The following COL19A1 variants were observed in gnomAD, a reference collection of about 807,000 sequenced individuals.
COL19A1 encodes the protein collagen type XIX alpha 1 chain.
Under a neutral mutation model 190.2 loss-of-function variants are expected in COL19A1, and 159 were observed. The ratio of observed to expected loss-of-function variants is 0.84; its 90% CI spans 0.73 to 0.95. The LOEUF (loss-of-function observed/expected upper bound fraction) is 0.95. Among genes scored for constraint, COL19A1 ranks in the 40% least tolerant of loss-of-function variants. The pLI is 0.00. For synonymous variants in COL19A1, 509 were observed against 458.9 expected (o/e 1.11, Z -1.39); for missense variants, 1,418 against 1,431.9 (o/e 0.99, Z 0.16).
At chr6:70,163,574 C>T (rs939589181) in intron 36 of COL19A1, among the ~76,000 whole-genome samples, 178 bp downstream of exon 36, 17 of 152,208 alleles carry the variant, frequency 1.1e-4, no homozygotes, top group South Asian at 4.2e-4. Flanking sequence ...ATTCTAAACA[C>T]GGGAGATATT....
intron 2 of COL19A1, chr6:69,890,674 T>G (rs1029370601): frequency 6.6e-6 from 1 of 152,204 alleles, no homozygotes; most frequent in Non-Finnish European, 1.5e-5. Flanking sequence ...ACTAAAAATA[T>G]TTTTATTTAT....
At chr6:70,004,197 G>A (rs563254565) in intron 11 of COL19A1, among the ~76,000 whole-genome samples, 22 of 152,048 alleles carry the variant, frequency 1.4e-4, no homozygotes, top group Non-Finnish European at 2.6e-4. Flanking sequence ...TTGAATATTG[G>A]TCCCCATTTT....
chr6:70,024,582 C>CGTGTGTGTGT (rs71536487), intron 12 of COL19A1, among the ~76,000 whole-genome samples: 1 of 143,392 alleles, frequency 7.0e-6, no homozygotes, highest in Non-Finnish European at 1.5e-5. Context: ...TGGAGAAAGT[C>CGTGTGTGTGT]GTGTGTGTGT....
chr6:69,870,801 C>T (rs145849159), intron 1 of COL19A1, among the ~76,000 whole-genome samples: 5 of 152,184 alleles, frequency 3.3e-5, no homozygotes, highest in Non-Finnish European at 4.4e-5. Context: ...TGCAATTTTC[C>T]AGATTAGGAA....
At chr6:70,106,005 A>G (rs558062071) in intron 16 of COL19A1, among the ~76,000 whole-genome samples, 92 of 152,294 alleles carry the variant, frequency 6.0e-4, no homozygotes, top group African/African-American at 2.0e-3. Flanking sequence ...AGGAATTACC[A>G]GGAGGCATGA....
intron 46 of COL19A1, among the ~76,000 whole-genome samples, chr6:70,186,182 C>A (rs889833599): frequency 6.6e-6 from 1 of 152,106 alleles, no homozygotes; most frequent in Non-Finnish European, 1.5e-5. Context: ...CTTACCTAGT[C>A]CGCTGGACAT....
rs545817940 is a variant in COL19A1 at position 70,071,779 on chromosome 6, G to T, written c.1224+3303G>T. Among the ~76,000 whole-genome samples, 10 of 151,878 alleles carry T rather than the reference G, an allele frequency of 6.6e-5. 1 individual carries two copies. The highest frequency in any genetic ancestry group is 1.9e-4 in the African/African-American group (8 of 41,412). On this transcript the variant is annotated intron_variant, in intron 15 of 50. Transcript: ENST00000620364. ...GGGGCCTTCCTGGAAGTTAAGAGGG[G>T]GTTTAATCCATCATGAGGCAGAAAA...
rs559709552 is a variant in COL19A1 at position 70,137,639 on chromosome 6, CT to C, written c.1384-44del. On this transcript the variant is annotated intron_variant, in intron 18 of 50. Coordinates refer to ENST00000620364, the MANE Select transcript of COL19A1 (RefSeq NM_001858.6). Reference sequence around the variant, plus strand: ...TCTGTATCTGACAGTCACAATAATGCTTCTCTAACCATCTGCAAAATCTCTC... The same window carrying C: ...TCTGTATCTGACAGTCACAATAATGCTCTCTAACCATCTGCAAAATCTCTC... 1,068 of 1,565,320 alleles carry C rather than the reference CT, an allele frequency of 6.8e-4. 2 individuals carry two copies. Among genetic ancestry groups the C allele is most frequent in the Non-Finnish European group, 9.1e-4 (1,034 of 1,136,720 alleles).
intron 16 of COL19A1, among the ~76,000 whole-genome samples, chr6:70,117,624 T>G (rs373994400): frequency 6.6e-6 from 1 of 152,220 alleles, no homozygotes; most frequent in East Asian, 1.9e-4. Flanking sequence ...ACACCAGGTT[T>G]ATAGGCCTCT....
chr6:70,026,768 C>G (rs1243477460), intron 12 of COL19A1, among the ~76,000 whole-genome samples: 1 of 152,094 alleles, frequency 6.6e-6, no homozygotes, highest in Non-Finnish European at 1.5e-5. Context: ...GCTTAATTGG[C>G]TAGTAGAGTG....
intron 1 of COL19A1, among the ~76,000 whole-genome samples, chr6:69,877,514 C>T (rs2502552): frequency 0.1 from 15,719 of 152,052 alleles, 887 homozygotes; most frequent in Middle Eastern, 0.14. Context: ...TTCACATGTG[C>T]AGTAATCACT....
chr6:70,054,282 G>A (rs974002073), intron 14 of COL19A1, among the ~76,000 whole-genome samples: 10 of 152,148 alleles, frequency 6.6e-5, no homozygotes, highest in Middle Eastern at 6.3e-3. Flanking sequence ...CCCAGGAGGC[G>A]GAGGTTGCAG....
intron 9 of COL19A1, among the ~76,000 whole-genome samples, chr6:69,956,916 T>A (rs73746829): frequency 0.013 from 1,981 of 152,178 alleles, 53 homozygotes; most frequent in African/African-American, 0.045. Flanking sequence ...TAATAGGATC[T>A]CGGACATTTT....
At chr6:70,202,832 A>G (rs1488186765) in intron 49 of COL19A1, among the ~76,000 whole-genome samples, 1 of 152,198 alleles carries the variant, frequency 6.6e-6, no homozygotes, top group Non-Finnish European at 1.5e-5. Context: ...CAGTTTTTCT[A>G]ATGTTTCCAA....
chr6:70,065,489 T>C (rs990427408), intron 14 of COL19A1, among the ~76,000 whole-genome samples: 4 of 152,136 alleles, frequency 2.6e-5, no homozygotes, highest in South Asian at 2.1e-4. Flanking sequence ...ATGTTAGACC[T>C]AAAACCATAA....
At chr6:70,085,901 T>A (rs952603479) in intron 15 of COL19A1, among the ~76,000 whole-genome samples, 1 of 152,198 alleles carries the variant, frequency 6.6e-6, no homozygotes, top group African/African-American at 2.4e-5. Context: ...ATTTTGAAAT[T>A]CAGCTGGATA....
intron 11 of COL19A1, among the ~76,000 whole-genome samples, chr6:70,000,926 A>T (rs1436533595): frequency 6.6e-6 from 1 of 151,998 alleles, no homozygotes; most frequent in African/African-American, 2.4e-5. Context: ...TGGTGTTTTC[A>T]TCATGAAGTC....
intron 18 of COL19A1, among the ~76,000 whole-genome samples, chr6:70,132,620 T>C: frequency 6.6e-6 from 1 of 152,234 alleles, no homozygotes; most frequent in South Asian, 2.1e-4. Flanking sequence ...CCAGTGCTTC[T>C]GAATCCTGGC....
At chr6:70,033,411 T>G (rs1223468063) in intron 12 of COL19A1, among the ~76,000 whole-genome samples, 1 of 152,158 alleles carries the variant, frequency 6.6e-6, no homozygotes, top group Non-Finnish European at 1.5e-5. Flanking sequence ...TTGTTCTTCC[T>G]TCATCCAGTG....
Sources: allele counts gnomAD v4.1 joint callset (sites outside exome capture counted in the v4.1 genomes callset), GRCh38; gene constraint gnomAD v4.1.1; transcripts MANE v1.5; gene names NCBI Gene and HGNC (gene_info 2026-07-23, HGNC 2026-07-21).